Variants in CMKLR1 observed in about 807,000 individuals in gnomAD.
The protein encoded by CMKLR1 is chemerin chemokine-like receptor 1.
In CMKLR1, 6 loss-of-function variants were observed where a neutral mutation model predicts 8.2. The ratio of observed to expected loss-of-function variants is 0.73; its 90% CI spans 0.40 to 1.44. CMKLR1 has a LOEUF of 1.44. CMKLR1 is among the 40% of genes most tolerant of loss of function. The pLI is 0.02. For synonymous variants in CMKLR1, 178 were observed against 181.2 expected, an observed-to-expected ratio of 0.98 and a Z score of 0.14; for missense variants, 429 against 478.0, an observed-to-expected ratio of 0.90 and a Z score of 0.96.
intron 2 of CMKLR1, among the ~76,000 whole-genome samples, chr12:108,305,334 G>A (rs375321289): frequency 1.3e-5 from 2 of 152,126 alleles, no homozygotes; most frequent in Non-Finnish European, 1.5e-5. Context: ...GCATCAGCTC[G>A]GGATTTGAAC....
In CMKLR1 at chr12:108,290,805, T is replaced by C. The variant is rs887481224; in HGVS notation, c.*1036A>G. ...GACTGAGTCCTCGGACATACTCTTC[T>C]TCCCAGGGGACTCTCCGGAGTTGCT... On this transcript the variant is annotated 3_prime_UTR_variant, in exon 4 of 4. Coordinates refer to ENST00000550402, the MANE Select transcript of CMKLR1 (RefSeq NM_001142343.2). 1.3e-5 allele frequency: 2 copies of C among 152,248 alleles called. No homozygotes were observed. The highest frequency in any genetic ancestry group is 4.8e-5 in the African/African-American group (2 of 41,468). The allele number at this position is 152,248 out of a possible 1,614,324, so 9.4% of individuals were successfully genotyped here. A position where few individuals can be genotyped will look rare whatever the true frequency, so the allele number is the denominator to read the frequency against.
intron 2 of CMKLR1, among the ~76,000 whole-genome samples, chr12:108,311,677 T>G (rs7971810): frequency 3.3e-5 from 5 of 151,956 alleles, no homozygotes; most frequent in African/African-American, 1.2e-4. Flanking sequence ...AAAGGCAGCA[T>G]AGAGGGGGAG....
intron 1 of CMKLR1, among the ~76,000 whole-genome samples, chr12:108,336,916 A>T (rs1391958420): frequency 6.6e-6 from 1 of 152,220 alleles, no homozygotes; most frequent in African/African-American, 2.4e-5. Context: ...TACTCTTTAG[A>T]ATAATCTTAT....
intron 2 of CMKLR1, among the ~76,000 whole-genome samples, chr12:108,300,498 C>T (rs79539539): frequency 0.056 from 8,339 of 150,006 alleles, 578 homozygotes; most frequent in African/African-American, 0.16. Context: ...TGAATGAATG[C>T]TTGTTTTTCT....
chr12:108,302,789 C>T (rs1456824309), intron 2 of CMKLR1, among the ~76,000 whole-genome samples: 1 of 152,032 alleles, frequency 6.6e-6, no homozygotes, highest in African/African-American at 2.4e-5. Flanking sequence ...GCCAGACGCA[C>T]ATTGAACACA....
chr12:108,319,667 T>G (rs1183093012), intron 2 of CMKLR1, among the ~76,000 whole-genome samples: 1 of 152,234 alleles, frequency 6.6e-6, no homozygotes, highest in Admixed American at 6.5e-5. Context: ...GCCCATGGTA[T>G]GTTCTCAGTA....
At chr12:108,323,911 G>A (rs1276933960) in intron 2 of CMKLR1, among the ~76,000 whole-genome samples, 1 of 152,190 alleles carries the variant, frequency 6.6e-6, no homozygotes, top group East Asian at 1.9e-4. Context: ...GGAGGAATAG[G>A]CTGGCCCCAC....
intron 2 of CMKLR1, among the ~76,000 whole-genome samples, chr12:108,305,385 A>G (rs1219316060): frequency 6.6e-6 from 1 of 152,190 alleles, no homozygotes; most frequent in Non-Finnish European, 1.5e-5. Flanking sequence ...CACAGCCTCA[A>G]CCAGCAGCTG....
chr12:108,310,974 T>C (rs1284553621), intron 2 of CMKLR1, among the ~76,000 whole-genome samples: 1 of 129,614 alleles, frequency 7.7e-6, no homozygotes, highest in Non-Finnish European at 1.6e-5. Context: ...GCCCAGGAGA[T>C]GAGCAGGGTG....
chr12:108,295,245 C>G (rs1421710338), intron 2 of CMKLR1, among the ~76,000 whole-genome samples: 1 of 152,234 alleles, frequency 6.6e-6, no homozygotes, highest in East Asian at 1.9e-4. Flanking sequence ...GGGGCTACAG[C>G]AGGGCTCAGA....
chr12:108,292,591 G>A lies in CMKLR1; in HGVS notation c.372C>T (p.Phe124=). Residue 124 remains phenylalanine (F), a synonymous_variant, in exon 4 of 4, where the codon TTC becomes TTT. Coordinates refer to ENST00000550402, the MANE Select transcript of CMKLR1 (RefSeq NM_001142343.2). ...TGATGGTCAGCAGGAAGACGCTGGT[G>A]AACATGTTGTGGATGAGAAGGAAGT... ...ISNFLLIHNM[F]TSVFLLTIIS... 11 of 1,614,190 alleles carry A rather than the reference G, an allele frequency of 6.8e-6. No homozygotes were observed. Among genetic ancestry groups the A allele is most frequent in the Non-Finnish European group, 9.3e-6 (11 of 1,180,038 alleles).
At chr12:108,332,306 G>A (rs1003704329) in intron 1 of CMKLR1, among the ~76,000 whole-genome samples, 6 of 152,244 alleles carry the variant, frequency 3.9e-5, no homozygotes, top group Non-Finnish European at 7.3e-5. Flanking sequence ...AGCACTTTGG[G>A]AGGCCAAGGC....
intron 2 of CMKLR1, among the ~76,000 whole-genome samples, chr12:108,324,783 G>C (rs760725959): frequency 2.0e-5 from 3 of 152,124 alleles, no homozygotes; most frequent in Non-Finnish European, 2.9e-5. Context: ...CCCTTCTGCT[G>C]TTGGGCTCAC....
At position 108,293,513 on chromosome 12, in the gene CMKLR1, T is replaced by C. The variant is rs1181846325; in HGVS notation, c.3+76A>G. 7 of 1,494,768 alleles carry C rather than the reference T, an allele frequency of 4.7e-6. No individual in the cohort carries two copies. In the Admixed American group the frequency reaches 9.9e-5, roughly 21 times the overall value. 92.6% of individuals were successfully genotyped at this position (1,494,768 alleles called of 1,614,324 possible). On this transcript the variant is annotated intron_variant, in intron 3 of 3. Coordinates refer to ENST00000550402, the MANE Select transcript of CMKLR1 (RefSeq NM_001142343.2). ...TTCTAAAACCAAGTGGACAGCCTTG[T>C]TGTGATCCCCCTGTGCACCCAATCT...
At chr12:108,337,053 T>C (rs112912818) in intron 1 of CMKLR1, among the ~76,000 whole-genome samples, 1 of 152,308 alleles carries the variant, frequency 6.6e-6, no homozygotes, top group Non-Finnish European at 1.5e-5. Context: ...CCCAGAGTGA[T>C]AATAATATCA....
chr12:108,308,233 G>A (rs1891457766), intron 2 of CMKLR1, among the ~76,000 whole-genome samples: 1 of 152,164 alleles, frequency 6.6e-6, no homozygotes, highest in African/African-American at 2.4e-5. Flanking sequence ...GAGTTGTGAG[G>A]ATTCAATGAA....
At chr12:108,313,396 G>A (rs1160927449) in intron 2 of CMKLR1, among the ~76,000 whole-genome samples, 2 of 152,210 alleles carry the variant, frequency 1.3e-5, no homozygotes, top group South Asian at 2.1e-4. Context: ...ACAGGAAAAG[G>A]GAAGTGGCTC....
chr12:108,310,566 C>T (rs1891531284), intron 2 of CMKLR1, among the ~76,000 whole-genome samples: 1 of 152,178 alleles, frequency 6.6e-6, no homozygotes, highest in Admixed American at 6.5e-5. Flanking sequence ...TTCCTCAGCC[C>T]ACAGGGACTG....
rs558361851 is a variant in CMKLR1 at position 108,321,607 on chromosome 12, C to T, written c.-74+8388G>A. On this transcript the variant is annotated intron_variant, in intron 2 of 3. Coordinates refer to ENST00000550402, the MANE Select transcript of CMKLR1 (RefSeq NM_001142343.2). Reference sequence around the variant, plus strand: ...CCTAACACAGAACGTGCACCCAAATCCCTGTCTCAGGCTCTGCTTCAGGGA... The same window carrying T: ...CCTAACACAGAACGTGCACCCAAATTCCTGTCTCAGGCTCTGCTTCAGGGA... Among the ~76,000 whole-genome samples the T allele has an allele frequency of 3.9e-5, 6 of 152,294 alleles. No individual in the cohort carries two copies. The South Asian group carries it at 8.3e-4, about 21-fold the overall frequency.
Sources: allele counts gnomAD v4.1 joint callset (sites outside exome capture counted in the v4.1 genomes callset), GRCh38; gene constraint gnomAD v4.1.1; transcripts MANE v1.5; gene names NCBI Gene and HGNC (gene_info 2026-07-23, HGNC 2026-07-21).